The following GPHN variants were observed in gnomAD, a reference collection of about 807,000 sequenced individuals.
GPHN encodes gephyrin.
A neutral mutation model predicts 95.5 loss-of-function variants in GPHN; 17 were observed. The ratio of observed to expected loss-of-function variants is 0.18; its 90% CI spans 0.12 to 0.27. The LOEUF is 0.27. GPHN is among the 10% of genes least tolerant of loss of function. The pLI is 1.00. For synonymous variants in GPHN, 320 were observed against 322.5 expected (o/e 0.99, Z 0.08); for missense variants, 660 against 978.1 (o/e 0.67, Z 4.34).
intron 6 of GPHN, among the ~76,000 whole-genome samples, chr14:66,919,439 G>T (rs2066086016): frequency 6.6e-6 from 1 of 152,126 alleles, no homozygotes; most frequent in Non-Finnish European, 1.5e-5. Context: ...ATACCCCAGT[G>T]GTGGGGTCAC....
the GPHN span, among the ~76,000 whole-genome samples, chr14:67,623,865 G>C: frequency 6.6e-6 from 1 of 152,032 alleles, no homozygotes; most frequent in Non-Finnish European, 1.5e-5. Flanking sequence ...CTTTGAGAGA[G>C]GGTCTCACTC....
chr14:66,790,959 TA>T (rs1046007181), intron 3 of GPHN, among the ~76,000 whole-genome samples: 1 of 152,356 alleles, frequency 6.6e-6, no homozygotes, highest in African/African-American at 2.4e-5. Flanking sequence ...AAGAGAATAG[TA>T]ATTAAAATTC....
At chr14:67,572,005 AC>A in the GPHN span, 11 of 1,481,844 alleles carry the variant, frequency 7.4e-6, no homozygotes, top group Admixed American at 2.0e-5. Flanking sequence ...TGAGCTCGTG[AC>A]CCCCCAGCAG....
intron 4 of GPHN, among the ~76,000 whole-genome samples, chr14:66,871,575 A>G (rs1209201141): frequency 6.6e-6 from 1 of 152,216 alleles, no homozygotes; most frequent in Non-Finnish European, 1.5e-5. Context: ...AAGTCTCAAA[A>G]TCATAACAGA....
At chr14:66,694,159 CA>C (rs2067971775) in intron 2 of GPHN, among the ~76,000 whole-genome samples, 2 of 152,074 alleles carry the variant, frequency 1.3e-5, no homozygotes, top group Admixed American at 6.5e-5. Context: ...GTGATTTAGT[CA>C]TGAGGGCAGA....
chr14:67,134,952 T>TA, intron 17 of GPHN, among the ~76,000 whole-genome samples: 1 of 133,244 alleles, frequency 7.5e-6, no homozygotes, highest in African/African-American at 2.9e-5. Context: ...CTTTCTTTCT[T>TA]CTTTTTTTTT....
At chr14:67,716,600 C>G in the GPHN span, among the ~76,000 whole-genome samples, 21 of 152,122 alleles carry the variant, frequency 1.4e-4, no homozygotes, top group African/African-American at 4.6e-4. Context: ...AAGAATTTTA[C>G]AGGCTGAGTG....
chr14:67,700,508 G>A, the GPHN span, among the ~76,000 whole-genome samples: 1 of 151,768 alleles, frequency 6.6e-6, no homozygotes, highest in Admixed American at 6.6e-5. Context: ...GAGGTCAGGA[G>A]ATCGAGACCA....
At chr14:66,967,283 A>AAAT (rs1488878064) in intron 9 of GPHN, among the ~76,000 whole-genome samples, 1 of 151,994 alleles carries the variant, frequency 6.6e-6, no homozygotes, top group Non-Finnish European at 1.5e-5. Context: ...AGTCTATTCC[A>AAAT]ATTAGGCATC....
the GPHN span, among the ~76,000 whole-genome samples, chr14:67,639,668 C>A: frequency 6.6e-6 from 1 of 152,074 alleles, no homozygotes; most frequent in African/African-American, 2.4e-5. Flanking sequence ...TGCCTGTAAT[C>A]CCAGCACTTT....
At chr14:67,608,555 G>A in the GPHN span, among the ~76,000 whole-genome samples, 1 of 152,324 alleles carries the variant, frequency 6.6e-6, no homozygotes, top group African/African-American at 2.4e-5. Context: ...GAGGCTTAGG[G>A]CTTCAGTGGG....
Position 67,053,162 on chromosome 14 carries a change from T to C in GPHN, c.1007-5487T>C, listed in dbSNP as rs190843541. Among the ~76,000 whole-genome samples, 1,051 of 137,086 alleles carry C rather than the reference T, an allele frequency of 7.7e-3. 7 individuals are homozygous for C. Among genetic ancestry groups the C allele is most frequent in the Non-Finnish European group, 0.012 (786 of 64,490 alleles). The allele number at this position is 137,086 out of a possible 152,430, so 89.9% of individuals were successfully genotyped here. A position where few individuals can be genotyped will look rare whatever the true frequency, so the allele number is the denominator to read the frequency against. ...AAACCTTAAAAAAAATCAATGAATC[T>C]AGGAGCTGGTTTGTTTTTTTTTTTT... On this transcript the variant is annotated intron_variant, in intron 10 of 22. Transcript: ENST00000478722.
chr14:66,996,285 A>G (rs2071788435), intron 9 of GPHN: 1 of 1,044,824 alleles, frequency 9.6e-7, no homozygotes, highest in Non-Finnish European at 1.4e-6. Flanking sequence ...TTCTCATTTT[A>G]TTTTCCTTTC....
chr14:66,608,007 CTTAA>C (rs749273921), intron 1 of GPHN, among the ~76,000 whole-genome samples: 2 of 142,520 alleles, frequency 1.4e-5, no homozygotes, highest in Non-Finnish European at 3.1e-5. Context: ...CAGTTCTGAT[CTTAA>C]TTATTTCTTT....
At chr14:67,447,784 C>T in the GPHN span, 1 of 152,284 alleles carries the variant, frequency 6.6e-6, no homozygotes, top group Non-Finnish European at 1.5e-5. Flanking sequence ...CTAGCCTGCC[C>T]TACAGTTAAG....
intron 1 of GPHN, among the ~76,000 whole-genome samples, chr14:66,679,412 G>C (rs569349959): frequency 1.3e-5 from 2 of 152,108 alleles, no homozygotes; most frequent in Admixed American, 1.3e-4. Context: ...TTGAGTGTTG[G>C]TTGTGGTTTT....
rs368539974 is a variant in GPHN, at chr14:66,569,058, AT to A, written c.64+60468del. On this transcript the variant is annotated intron_variant, in intron 1 of 22. Transcript: ENST00000478722. ...TCATATTCAGCACATGAAATAGTAT[AT>A]ATTTTTATATTTGTGGTTCTTAATT... is the stretch of plus-strand genomic sequence containing the variant. 2.3e-3 allele frequency among the ~76,000 whole-genome samples: 350 copies of A among 152,286 alleles called. 1 individual carries two copies. The highest frequency in any genetic ancestry group is 4.0e-3 in the Non-Finnish European group (274 of 68,012).
In GPHN at chr14:66,631,073, C is replaced by A. The variant is rs190668560; in HGVS notation, c.65-50034C>A. On this transcript the variant is annotated intron_variant, in intron 1 of 22. Transcript: ENST00000478722. ...TTGTTTTTGTTTGTTTTTTTTGAGA[C>A]GGAGTCTTGCTCTGTCGCCCAGGCT... Among the ~76,000 whole-genome samples the A allele has an allele frequency of 3.1e-3, 455 of 147,440 alleles. 2 individuals carry two copies. Among genetic ancestry groups the A allele is most frequent in the South Asian group, 0.015 (64 of 4,174 alleles).
intron 1 of GPHN, among the ~76,000 whole-genome samples, chr14:66,674,082 G>T (rs953202662): frequency 1.0e-4 from 15 of 150,548 alleles, no homozygotes; most frequent in African/African-American, 3.2e-4. Context: ...AAAGACTAGA[G>T]CTTACTCCTA....
Sources: allele counts gnomAD v4.1 joint callset (sites outside exome capture counted in the v4.1 genomes callset), GRCh38; gene constraint gnomAD v4.1.1; transcripts MANE v1.5; gene names NCBI Gene and HGNC (gene_info 2026-07-23, HGNC 2026-07-21).